ATRX: variants seen among roughly 807,000 people sequenced by gnomAD.
ATRX encodes the protein ATRX chromatin remodeler, also known as chromatin remodeler ATRX.
In ATRX, 12 loss-of-function variants were observed where a neutral mutation model predicts 172.6. The observed-to-expected ratio is 0.07, with a 90% confidence interval of 0.04 to 0.11. ATRX has a LOEUF of 0.11. Ranked by LOEUF, ATRX falls within the 10% of genes least tolerant of loss-of-function variation. ATRX has a pLI of 1.00. For synonymous variants in ATRX, 674 were observed against 594.7 expected (o/e 1.13, Z -1.94); for missense variants, 1,368 against 1,767.4 (o/e 0.77, Z 4.05).
rs2071352645 is a variant in ATRX at position 77,683,214 on chromosome X, C to G, written c.2042G>C (p.Cys681Ser). The change falls in exon 9 of 35, where the codon TGT (cysteine) becomes TCT (serine). Residue 681 changes from cysteine to serine, a missense_variant. By Grantham distance (112) the Cys-to-Ser change is moderately radical. This residue lies in a region of ATRX where 843 missense variants were observed against 643.1 expected (regional missense o/e 1.31). Transcript: ENST00000373344. ...NPVTSNSDEE[C>S]NETVKEKQKL... The stretch of plus-strand genomic sequence containing the variant: ...TTGTTTCTCCTTAACTGTTTCATTA[C>G]ATTCTTCATCTGAATTAGATGTTAC... 7.4e-6 allele frequency: 9 copies of G among 1,211,001 alleles called. No homozygotes were observed. Among genetic ancestry groups the G allele is most frequent in the Non-Finnish European group, 1.0e-5 (9 of 894,953 alleles).
rs142601264 is a variant in ATRX at position 77,682,726 on chromosome X, T to A, written c.2530A>T (p.Thr844Ser). The change falls in exon 9 of 35, where the codon ACA becomes TCA. Residue 844 changes from threonine (T) to serine (S), a missense_variant. By Grantham distance (58) the Thr-to-Ser change is moderately conservative. Transcript: ENST00000373344. The part of the protein sequence containing the change: ...ARTTKKRIPN[T>S]KDFDSSEDEK... ...TCTTCAGAAGAGTCAAAATCTTTTG[T>A]ATTTGGAATTCTTTTTTTGGTGGTT... The A allele has an allele frequency of 6.6e-6, 8 of 1,210,066 alleles. No homozygotes were observed. Among genetic ancestry groups the A allele is most frequent in the Non-Finnish European group, 7.8e-6 (7 of 895,157 alleles).
chrX:77,653,004 TAAA>T (rs554448289), intron 14 of ATRX, among the ~76,000 whole-genome samples: 2 of 69,005 alleles, frequency 2.9e-5, no homozygotes, highest in Admixed American at 1.7e-4. Flanking sequence ...TGTTTCTTGT[TAAA>T]AAAAAAAAAA....
At chrX:77,608,014 G>A (rs2066989281) in intron 22 of ATRX, among the ~76,000 whole-genome samples, 1 of 110,810 alleles carries the variant, frequency 9.0e-6, no homozygotes. Context: ...AAAACTGGAG[G>A]AATCACATTA....
At chrX:77,754,789 G>A (rs2075427617) in intron 1 of ATRX, among the ~76,000 whole-genome samples, 1 of 111,407 alleles carries the variant, frequency 9.0e-6, no homozygotes, top group Admixed American at 9.6e-5. Flanking sequence ...TTTCAACCTT[G>A]GAGAATCTGA....
Position 77,735,625 on chromosome X carries a change from A to AATAT in ATRX, c.21-18383_21-18382insATAT, listed in dbSNP as rs1284153669. 2.1e-5 allele frequency among the ~76,000 whole-genome samples: 2 copies of AATAT among 93,515 alleles called. 1 individual carries two copies. The highest frequency in any genetic ancestry group is 4.1e-5 in the Non-Finnish European group (2 of 48,572). The allele number at this position is 93,515 out of a possible 115,157, so 81.2% of individuals were successfully genotyped here. On this transcript the variant is annotated intron_variant, in intron 1 of 34. Coordinates refer to ENST00000373344, the MANE Select transcript of ATRX (RefSeq NM_000489.6). ...AAATAAATAAATAAATAAATAAATA[A>AATAT]ATAAATAAATAAAAATAAATACAAA...
chrX:77,638,854 T>C (rs1767115073), intron 15 of ATRX, among the ~76,000 whole-genome samples: 1 of 112,448 alleles, frequency 8.9e-6, no homozygotes, highest in South Asian at 3.7e-4. Flanking sequence ...TTAGCTTCTG[T>C]GTCTGAATCT....
intron 30 of ATRX, among the ~76,000 whole-genome samples, chrX:77,551,036 C>T (rs1213970015): frequency 2.7e-5 from 3 of 111,629 alleles, no homozygotes; most frequent in Non-Finnish European, 1.9e-5. Context: ...AATGGCCACA[C>T]TGCCCAAGGT....
intron 19 of ATRX, 121 bp from the exon 20 acceptor site, chrX:77,620,653 T>C (rs1484550738): frequency 1.5e-6 from 1 of 671,808 alleles, no homozygotes; most frequent in Admixed American, 3.2e-5. Context: ...TAAAATGACA[T>C]CGTTGTAAGT....
At chrX:77,706,625 T>G (rs1312803121) in intron 2 of ATRX, among the ~76,000 whole-genome samples, 1 of 111,207 alleles carries the variant, frequency 9.0e-6, no homozygotes, top group Non-Finnish European at 1.9e-5. Flanking sequence ...ACAACCCAAC[T>G]GGGTGCAGTG....
At chrX:77,663,139 G>A (rs1359614995) in intron 12 of ATRX, among the ~76,000 whole-genome samples, 4 of 109,287 alleles carry the variant, frequency 3.7e-5, no homozygotes, top group African/African-American at 1.0e-4. Flanking sequence ...CTTGACCTCC[G>A]GGGCTCAGGT....
chrX:77,549,995 A>G (rs782025086), intron 30 of ATRX, among the ~76,000 whole-genome samples: 3 of 112,146 alleles, frequency 2.7e-5, no homozygotes, highest in African/African-American at 9.7e-5. Flanking sequence ...GAAATAAAAT[A>G]AAATAAAAAT....
At position 77,644,600 on chromosome X, in the gene ATRX, C is replaced by T. The variant is rs919253313; in HGVS notation, c.4557+7514G>A. Among the ~76,000 whole-genome samples the T allele has an allele frequency of 1.9e-4, 21 of 110,238 alleles. 1 individual carries two copies. The highest frequency in any genetic ancestry group is 6.3e-4 in the African/African-American group (19 of 30,254). On this transcript the variant is annotated intron_variant, in intron 15 of 34. Transcript: ENST00000373344. ...AGTATTAAAAAAAATCACAAAGATA[C>T]AGCCAAATAGGAAAATATGGCCCAA...
chrX:77,564,702 T>G (rs965533517), intron 28 of ATRX, among the ~76,000 whole-genome samples: 3 of 109,751 alleles, frequency 2.7e-5, no homozygotes, highest in Non-Finnish European at 5.7e-5. Context: ...ACTTTCTTTC[T>G]GCCTCATGTA....
At chrX:77,585,809 G>A (rs1557076699) in intron 27 of ATRX, among the ~76,000 whole-genome samples, 1 of 110,076 alleles carries the variant, frequency 9.1e-6, no homozygotes, top group African/African-American at 3.3e-5. Flanking sequence ...ATAGTATTCA[G>A]CCATAAAAGA....
intron 21 of ATRX, among the ~76,000 whole-genome samples, chrX:77,617,354 A>C (rs1557097413): frequency 1.8e-5 from 2 of 111,193 alleles, no homozygotes; most frequent in Admixed American, 1.9e-4. Flanking sequence ...AGCAATACAG[A>C]AACAGGGTAC....
chrX:77,741,037 T>TACACACACAC (rs111437851), intron 1 of ATRX, among the ~76,000 whole-genome samples: 1 of 99,229 alleles, frequency 1.0e-5, no homozygotes, highest in Non-Finnish European at 2.1e-5. Flanking sequence ...ACCCTGTCTC[T>TACACACACAC]ACACACACAC....
chrX:77,536,337 T>C (rs1474210678), intron 30 of ATRX, among the ~76,000 whole-genome samples: 1 of 112,087 alleles, frequency 8.9e-6, no homozygotes, highest in African/African-American at 3.2e-5. Flanking sequence ...GCAATTTATA[T>C]TCCTTTAAGG....
intron 7 of ATRX, among the ~76,000 whole-genome samples, chrX:77,688,058 C>T (rs1034948493): frequency 1.8e-5 from 2 of 111,092 alleles, no homozygotes; most frequent in Non-Finnish European, 3.8e-5. Context: ...CTGCCTCAGT[C>T]TCCCAAGTAG....
At chrX:77,652,497 TA>T (rs368160215) in intron 14 of ATRX, 144 bp from the exon 15 acceptor site, 16,678 of 351,310 alleles carry the variant, frequency 0.047, no homozygotes, top group East Asian at 0.071. Context: ...AGAGTAGTAT[TA>T]AAAAAAAAAA....
Sources: allele counts gnomAD v4.1 joint callset (sites outside exome capture counted in the v4.1 genomes callset), GRCh38; gene constraint gnomAD v4.1.1; regional missense constraint gnomAD v4.1.1; transcripts MANE v1.5; gene names NCBI Gene and HGNC (gene_info 2026-07-23, HGNC 2026-07-21).